STON1: variants seen among roughly 807,000 people sequenced by gnomAD.
The protein encoded by STON1 is stonin-1.
Under a neutral mutation model 60.9 loss-of-function variants are expected in STON1, and 79 were observed. The ratio of observed to expected loss-of-function variants is 1.30; its 90% CI spans 1.08 to 1.56. The LOEUF (loss-of-function observed/expected upper bound fraction) is 1.56. Among genes scored for constraint, STON1 ranks in the 40% most tolerant of loss-of-function variants. The pLI is 0.00. For missense variants in STON1, 1,166 were observed against 858.9 expected, an observed-to-expected ratio of 1.36 and a Z score of -4.47; for synonymous variants, 363 against 306.9, an observed-to-expected ratio of 1.18 and a Z score of -1.91.
intron 1 of STON1, among the ~76,000 whole-genome samples, chr2:48,555,492 G>A (rs1158395184): frequency 1.1e-5 from 1 of 94,280 alleles, no homozygotes; most frequent in African/African-American, 4.2e-5. Flanking sequence ...GGCTGGCCGG[G>A]TGGGGGGCTG....
intron 1 of STON1, among the ~76,000 whole-genome samples, chr2:48,575,755 G>GTTTTTTTTTTTTTTTT (rs199808169): frequency 9.1e-6 from 1 of 109,736 alleles, no homozygotes. Flanking sequence ...TTTAGTTTTT[G>GTTTTTTTTTTTTTTTT]TTTGTTTTTT....
intron 1 of STON1, among the ~76,000 whole-genome samples, chr2:48,533,682 A>AG (rs1671309256): frequency 6.7e-6 from 1 of 149,772 alleles, no homozygotes; most frequent in Non-Finnish European, 1.5e-5. Context: ...AAAAAAAAAA[A>AG]GAGATAAAAG....
At chr2:48,558,118 C>T (rs781194072) in intron 1 of STON1, among the ~76,000 whole-genome samples, 1 of 152,070 alleles carries the variant, frequency 6.6e-6, no homozygotes, top group Non-Finnish European at 1.5e-5. Flanking sequence ...AGCTACTCGG[C>T]AGGCTGAGGC....
At chr2:48,568,331 G>C (rs1238660670) in intron 1 of STON1, among the ~76,000 whole-genome samples, 2 of 152,178 alleles carry the variant, frequency 1.3e-5, no homozygotes, top group African/African-American at 4.8e-5. Context: ...GCTGCCATAT[G>C]ACCTGGATTG....
Position 48,597,516 on chromosome 2 carries a change from C to G in STON1, c.*2214C>G, listed in dbSNP as rs1427362812. ...TTCAGCAAAGGGTTCACTTAGTTGC[C>G]CCTCATGCTTCACAGGTTGACTAGT... is the stretch of plus-strand genomic sequence containing the variant. On this transcript the variant is annotated 3_prime_UTR_variant, in exon 4 of 4. Transcript: ENST00000404752. 6.6e-6 allele frequency: 1 copy of G among 152,184 alleles called. No individual in the cohort carries two copies. The highest frequency in any genetic ancestry group is 2.4e-5 in the African/African-American group (1 of 41,412). 9.4% of individuals were successfully genotyped at this position (152,184 alleles called of 1,614,324 possible).
At chr2:48,538,763 ATTT>A (rs34052598) in intron 1 of STON1, among the ~76,000 whole-genome samples, 11 of 86,364 alleles carry the variant, frequency 1.3e-4, no homozygotes, top group Admixed American at 2.7e-4. Context: ...ACACCCAGCT[ATTT>A]TTTTTTTTTT....
chr2:48,570,059 G>GTT (rs1673122297), intron 1 of STON1, among the ~76,000 whole-genome samples: 1 of 152,152 alleles, frequency 6.6e-6, no homozygotes, highest in Non-Finnish European at 1.5e-5. Context: ...TCCAGGCTGG[G>GTT]CATGGTGGCT....
intron 1 of STON1, among the ~76,000 whole-genome samples, chr2:48,554,587 A>C (rs144839041): frequency 4.6e-5 from 7 of 152,246 alleles, no homozygotes; most frequent in African/African-American, 1.4e-4. Flanking sequence ...GGGCTCAAGC[A>C]CCCAAGGTTG....
chr2:48,565,045 C>CTTTTTTTT (rs35791710), intron 1 of STON1, among the ~76,000 whole-genome samples: 3 of 86,502 alleles, frequency 3.5e-5, no homozygotes, highest in African/African-American at 4.6e-5. Context: ...CCGGCTTCTT[C>CTTTTTTTT]TTTTTTTTTT....
intron 1 of STON1, among the ~76,000 whole-genome samples, chr2:48,537,678 A>C (rs921657465): frequency 6.6e-6 from 1 of 151,884 alleles, no homozygotes; most frequent in African/African-American, 2.4e-5. Flanking sequence ...GCGAAACCCT[A>C]TCTCTACTAA....
chr2:48,559,829 A>G (rs1363759040), intron 1 of STON1, among the ~76,000 whole-genome samples: 6 of 152,102 alleles, frequency 3.9e-5, no homozygotes, highest in African/African-American at 1.4e-4. Context: ...TAAGCAGGGG[A>G]TGTGTGATAC....
chr2:48,533,395 A>G (rs568888722), intron 1 of STON1, among the ~76,000 whole-genome samples: 5 of 151,992 alleles, frequency 3.3e-5, no homozygotes, highest in African/African-American at 1.2e-4. Flanking sequence ...AGAAAAGAAA[A>G]AAAAAGATGT....
At chr2:48,554,352 G>A (rs939170668) in intron 1 of STON1, among the ~76,000 whole-genome samples, 2 of 152,136 alleles carry the variant, frequency 1.3e-5, no homozygotes, top group Non-Finnish European at 2.9e-5. Flanking sequence ...CTCCCAACTA[G>A]CTGGGATTAC....
intron 1 of STON1, among the ~76,000 whole-genome samples, chr2:48,537,853 AAAAAAAAAAG>A (rs1169344668): frequency 1.1e-4 from 17 of 151,762 alleles, no homozygotes; most frequent in Admixed American, 9.9e-4. Context: ...TCATCTCAAA[AAAAAAAAAAG>A]AAAAAAAAAG....
chr2:48,562,912 T>C (rs1408706659), intron 1 of STON1, among the ~76,000 whole-genome samples: 1 of 152,190 alleles, frequency 6.6e-6, no homozygotes, highest in Non-Finnish European at 1.5e-5. Context: ...AACACTTGGT[T>C]GAACAACACA....
chr2:48,590,104 C>T (rs1213510445), intron 2 of STON1, among the ~76,000 whole-genome samples: 1 of 152,202 alleles, frequency 6.6e-6, no homozygotes, highest in Admixed American at 6.5e-5. Context: ...TTACTGTATC[C>T]TCACTGCAGA....
intron 1 of STON1, among the ~76,000 whole-genome samples, chr2:48,570,442 C>G (rs937880427): frequency 6.6e-6 from 1 of 152,198 alleles, no homozygotes; most frequent in Non-Finnish European, 1.5e-5. Flanking sequence ...TGTGAACCCT[C>G]CTATTGCTGA....
intron 1 of STON1, among the ~76,000 whole-genome samples, chr2:48,544,108 G>T (rs1161762461): frequency 6.6e-6 from 1 of 152,142 alleles, no homozygotes; most frequent in African/African-American, 2.4e-5. Flanking sequence ...AGAACATGTT[G>T]CTTTTTGCAA....
intron 2 of STON1, among the ~76,000 whole-genome samples, chr2:48,590,128 A>C (rs548574817): frequency 6.6e-6 from 1 of 152,332 alleles, no homozygotes; most frequent in East Asian, 1.9e-4. Flanking sequence ...AGGACTAAAA[A>C]GAGTAATGGG....
Sources: gnomAD v4.1 joint callset for allele counts (sites outside exome capture counted in the v4.1 genomes callset) on GRCh38, gnomAD v4.1.1 for gene constraint, MANE v1.5 for transcripts, NCBI Gene and HGNC (gene_info 2026-07-23, HGNC 2026-07-21) for gene names.